Variants in RASGRP3 observed in about 807,000 individuals in gnomAD.
RASGRP3 encodes RAS guanyl releasing protein 3, also known as ras guanyl-releasing protein 3.
Under a neutral mutation model 82.7 loss-of-function variants are expected in RASGRP3, and 54 were observed. That is an observed-to-expected ratio of 0.65 (90% confidence interval 0.52 to 0.82). RASGRP3 has a LOEUF of 0.82. Ranked by LOEUF, RASGRP3 falls within the 40% of genes least tolerant of loss-of-function variation. The pLI is 0.00. For synonymous variants in RASGRP3, 309 were observed against 300.5 expected, an observed-to-expected ratio of 1.03 and a Z score of -0.29; for missense variants, 861 against 828.9, an observed-to-expected ratio of 1.04 and a Z score of -0.48.
At chr2:33,463,592 CTTTTTTT>C (rs56748259) in intron 2 of RASGRP3, among the ~76,000 whole-genome samples, 8 of 70,230 alleles carry the variant, frequency 1.1e-4, no homozygotes, top group Admixed American at 6.9e-4. Context: ...CTCCTTCACT[CTTTTTTT>C]TTTTTTTTTT....
chr2:33,491,213 G>T (rs1218853628), intron 1 of RASGRP3, among the ~76,000 whole-genome samples: 2 of 152,088 alleles, frequency 1.3e-5, no homozygotes, highest in African/African-American at 4.8e-5. Context: ...CTATTTGGGG[G>T]GCTGAGGCAG....
At position 33,549,473 on chromosome 2, in the gene RASGRP3, TG is replaced by T; in HGVS notation, c.1395-130del. The stretch of plus-strand genomic sequence containing the variant: ...TTTGAGGTTTGCTCCTTCTCTGAGA[TG>T]TAATAGAGAAGTGAATGTGCCTCAA... On this transcript the variant is annotated intron_variant, in intron 13 of 17. Transcript: ENST00000403687. 4.7e-6 allele frequency: 4 copies of T among 843,482 alleles called. No homozygotes were observed. The South Asian group carries it at 7.4e-5, about 16-fold the overall frequency. The allele number at this position is 843,482 out of a possible 1,614,324, so 52.2% of individuals were successfully genotyped here.
chr2:33,537,321 C>CACACCA (rs1553359083), intron 11 of RASGRP3, among the ~76,000 whole-genome samples: 3 of 103,064 alleles, frequency 2.9e-5, no homozygotes, highest in Admixed American at 2.3e-4. Context: ...CACACACACA[C>CACACCA]CGCCCCCCCC....
In RASGRP3 at chr2:33,442,876, C is replaced by T. The variant is rs935302967; in HGVS notation, c.-384-4944C>T. Among the ~76,000 whole-genome samples the T allele has an allele frequency of 2.5e-5, 3 of 118,394 alleles. No homozygotes were observed. The East Asian group carries it at 7.2e-4, about 28-fold the overall frequency. 77.7% of individuals were successfully genotyped at this position (118,394 alleles called of 152,430 possible). On this transcript the variant is annotated intron_variant, in intron 1 of 18. Transcript: ENST00000402538. ...TATTGTTTTGTTCTCCTACAGAAATCACTATTGTTTTTTTTTTTTTTCTTT... is the reference window on the plus strand; with the variant it reads ...TATTGTTTTGTTCTCCTACAGAAATTACTATTGTTTTTTTTTTTTTTCTTT...
In RASGRP3 at chr2:33,534,200, T is replaced by C. The variant is rs532651384; in HGVS notation, c.1084-123T>C. On this transcript the variant is annotated intron_variant, in intron 10 of 17. Coordinates refer to ENST00000403687, the MANE Select transcript of RASGRP3 (RefSeq NM_001139488.2). ...ATCTCTGCGTGCCGTCTTTTTATTG[T>C]TCTGCATTTACTCAAATTATTAGAC... 3.3e-4 allele frequency: 222 copies of C among 678,542 alleles called. 1 individual carries two copies. In the African/African-American group the frequency reaches 3.5e-3, roughly 11 times the overall value. The allele number at this position is 678,542 out of a possible 1,614,324, so 42.0% of individuals were successfully genotyped here.
intron 2 of RASGRP3, among the ~76,000 whole-genome samples, chr2:33,468,615 T>C (rs1666863129): frequency 6.6e-6 from 1 of 152,168 alleles, no homozygotes; most frequent in Admixed American, 6.5e-5. Flanking sequence ...TGGGCCAGGA[T>C]GGTCTTGATC....
At chr2:33,546,071 A>G (rs1674710119) in intron 13 of RASGRP3, among the ~76,000 whole-genome samples, 1 of 151,758 alleles carries the variant, frequency 6.6e-6, no homozygotes, top group Non-Finnish European at 1.5e-5. Flanking sequence ...TGGCCTCCCA[A>G]AGTTCTGGGA....
At position 33,520,545 on chromosome 2, in the gene RASGRP3, C is replaced by G; in HGVS notation, c.237-8C>G. ...TTCCAGCTGCCAAAAATATTTGATG[C>G]CTTTCAGGTACTGGATTCTGAAGTT... On this transcript the variant is annotated splice_polypyrimidine_tract_variant and splice_region_variant and intron_variant, in intron 5 of 17. Transcript: ENST00000403687. 2.5e-6 allele frequency: 4 copies of G among 1,612,766 alleles called. No homozygotes were observed. Among genetic ancestry groups the G allele is most frequent in the Non-Finnish European group, 3.4e-6 (4 of 1,179,026 alleles).
At chr2:33,461,037 G>A (rs373276065) in intron 2 of RASGRP3, among the ~76,000 whole-genome samples, 40 of 152,194 alleles carry the variant, frequency 2.6e-4, no homozygotes, top group East Asian at 2.5e-3. Flanking sequence ...TCACTGCCAC[G>A]CGTTTATTTC....
chr2:33,476,213 T>C (rs1667353369), upstream of RASGRP3: 1 of 152,196 alleles, frequency 6.6e-6, no homozygotes, highest in Non-Finnish European at 1.5e-5. Context: ...CAAACAGTTG[T>C]ACTCCGGGGT....
upstream of RASGRP3, among the ~76,000 whole-genome samples, chr2:33,474,048 G>A (rs1667216304): frequency 6.6e-6 from 1 of 152,134 alleles, no homozygotes; most frequent in Admixed American, 6.5e-5. Flanking sequence ...AGGAGGCAGA[G>A]CTCAGATGGT....
intron 1 of RASGRP3, among the ~76,000 whole-genome samples, chr2:33,506,813 G>A (rs186287556): frequency 1.8e-4 from 27 of 152,278 alleles, no homozygotes; most frequent in African/African-American, 6.3e-4. Flanking sequence ...AAATATGGGG[G>A]ATTTTAGTCT....
chr2:33,454,568 T>G (rs183259651), intron 2 of RASGRP3, among the ~76,000 whole-genome samples: 2 of 152,366 alleles, frequency 1.3e-5, no homozygotes, highest in East Asian at 3.9e-4. Context: ...ACACATTATC[T>G]ACCTTTGTTT....
chr2:33,488,358 ATCACTCCTTACC>A (rs1283103325), intron 1 of RASGRP3, among the ~76,000 whole-genome samples: 1 of 152,264 alleles, frequency 6.6e-6, no homozygotes, highest in East Asian at 1.9e-4. Context: ...CTCACTGAGC[ATCACTCCTTACC>A]TCTAACAACT....
At chr2:33,490,101 T>C (rs1484503702) in intron 1 of RASGRP3, among the ~76,000 whole-genome samples, 1 of 152,198 alleles carries the variant, frequency 6.6e-6, no homozygotes, top group Admixed American at 6.5e-5. Flanking sequence ...TGTAACCATG[T>C]TCTTCTTCCT....
At chr2:33,562,706 A>G (rs13415927) in intron 17 of RASGRP3, 23 bp from the exon 18 acceptor site, 101,852 of 1,611,826 alleles carry the variant, frequency 0.063, 3,877 homozygotes, top group Admixed American at 0.17. Context: ...CAGCCATGCA[A>G]TAGGTTCCAA....
intron 13 of RASGRP3, among the ~76,000 whole-genome samples, chr2:33,546,999 A>G (rs557401832): frequency 2.1e-4 from 31 of 150,144 alleles, no homozygotes; most frequent in African/African-American, 7.1e-4. Context: ...TGGTGAGCCA[A>G]GATCGCACCA....
chr2:33,538,533 A>G (rs1673894919), intron 11 of RASGRP3, among the ~76,000 whole-genome samples: 1 of 151,506 alleles, frequency 6.6e-6, no homozygotes, highest in African/African-American at 2.4e-5. Context: ...TAAATAATAA[A>G]AATAAAATAA....
chr2:33,463,739 A>G (rs1000470542), intron 2 of RASGRP3, among the ~76,000 whole-genome samples: 5 of 151,512 alleles, frequency 3.3e-5, no homozygotes, highest in Admixed American at 2.0e-4. Context: ...AGCTGGGATT[A>G]CAGGTGCCTG....
Sources: gnomAD v4.1 joint callset for allele counts (sites outside exome capture counted in the v4.1 genomes callset) on GRCh38, gnomAD v4.1.1 for gene constraint, MANE v1.5 for transcripts, NCBI Gene and HGNC (gene_info 2026-07-23, HGNC 2026-07-21) for gene names.